Variants in CHD9 observed in about 807,000 individuals in gnomAD.
The protein encoded by CHD9 is ATP-dependent chromatin remodeler CHD9.
Under a neutral mutation model 316.1 loss-of-function variants are expected in CHD9, and 77 were observed. The ratio of observed to expected loss-of-function variants is 0.24; its 90% confidence interval spans 0.20 to 0.29. The LOEUF (loss-of-function observed/expected upper bound fraction) is 0.29, where lower values mean the gene tolerates loss of function less well. Ranked by LOEUF, CHD9 falls within the 10% of genes least tolerant of loss-of-function variation. The probability of loss-of-function intolerance (pLI) is 1.00; values close to 1 mark genes in which losing one functional copy is unlikely to be tolerated. For synonymous variants in CHD9, 1,129 were observed against 1,158.3 expected (o/e 0.97, Z 0.51); for missense variants, 2,763 against 3,438.1 (o/e 0.80, Z 4.91).
chr16:53,125,218 A>ATTTTTT (rs34096444), intron 1 of CHD9, among the ~76,000 whole-genome samples: 81 of 95,738 alleles, frequency 8.5e-4, no homozygotes, highest in Admixed American at 1.4e-3. Context: ...TCAAGTTAGG[A>ATTTTTT]TTTTTTTTTT....
chr16:53,090,489 C>T (rs998907240), intron 1 of CHD9, among the ~76,000 whole-genome samples: 1 of 152,148 alleles, frequency 6.6e-6, no homozygotes, highest in East Asian at 1.9e-4. Context: ...GCACATCAGT[C>T]GAGATCTCTT....
At chr16:53,157,736 C>T (rs1276026805) in intron 2 of CHD9, among the ~76,000 whole-genome samples, 195 bp downstream of exon 2, 1 of 152,096 alleles carries the variant, frequency 6.6e-6, no homozygotes, top group Non-Finnish European at 1.5e-5. Context: ...ATGCTCAAAG[C>T]AATAGATTAG....
intron 1 of CHD9, among the ~76,000 whole-genome samples, chr16:53,154,534 C>T (rs545628021): frequency 5.4e-4 from 82 of 152,182 alleles, no homozygotes; most frequent in African/African-American, 1.8e-3. Context: ...GGACCGGTTT[C>T]GTGGATGGGG....
intron 1 of CHD9, among the ~76,000 whole-genome samples, chr16:53,126,379 T>C (rs1236670444): frequency 1.3e-5 from 2 of 152,248 alleles, no homozygotes; most frequent in Non-Finnish European, 2.9e-5. Flanking sequence ...TAAGAGTTTA[T>C]TTCTGGATTC....
intron 2 of CHD9, among the ~76,000 whole-genome samples, chr16:53,161,086 A>G (rs1412446528): frequency 1.3e-5 from 2 of 151,924 alleles, no homozygotes; most frequent in African/African-American, 4.9e-5. Flanking sequence ...CCCTGTCTCA[A>G]AAAAAGGAAA....
chr16:53,226,304 T>G, intron 4 of CHD9, 62 bp from the exon 5 acceptor site: 1 of 1,235,510 alleles, frequency 8.1e-7, no homozygotes, highest in Non-Finnish European at 1.1e-6. Context: ...TAGGGGTAAT[T>G]ATTTTCAAAA....
At chr16:53,242,762 T>C in intron 12 of CHD9, 78 bp from the exon 13 acceptor site, 1 of 1,267,124 alleles carries the variant, frequency 7.9e-7, no homozygotes, top group Non-Finnish European at 1.1e-6. Context: ...TAACAGATGT[T>C]ATCTGATGCC....
At chr16:53,106,160 G>A (rs1250317036) in intron 1 of CHD9, among the ~76,000 whole-genome samples, 3 of 152,098 alleles carry the variant, frequency 2.0e-5, no homozygotes, top group Non-Finnish European at 4.4e-5. Flanking sequence ...TGCTAAAGTG[G>A]CCTGTTTCTC....
At chr16:53,099,507 G>C (rs959911500) in intron 1 of CHD9, among the ~76,000 whole-genome samples, 3 of 151,902 alleles carry the variant, frequency 2.0e-5, no homozygotes, top group Non-Finnish European at 4.4e-5. Flanking sequence ...CGAGGGGGAC[G>C]GCCCGCTCTG....
chr16:53,068,992 C>CTTTTA (rs375220700), intron 1 of CHD9, among the ~76,000 whole-genome samples: 2,260 of 151,944 alleles, frequency 0.015, 30 homozygotes, highest in Non-Finnish European at 0.024. Flanking sequence ...GCATTTTCTT[C>CTTTTA]TTTTATTTTA....
At position 53,273,793 on chromosome 16, in the gene CHD9, T is replaced by C; in HGVS notation, c.4877+8T>C. ...AAAACACCACTGTAATAAGTAGGTA[T>C]AGGGTATTTTAAACACAACTCTTTA... On this transcript the variant is annotated splice_region_variant and intron_variant, in intron 23 of 38. Transcript: ENST00000447540. 1 of 1,591,358 alleles carries C rather than the reference T, an allele frequency of 6.3e-7. No individual in the cohort carries two copies. The highest frequency in any genetic ancestry group is 2.2e-5 in the East Asian group (1 of 44,684).
intron 1 of CHD9, among the ~76,000 whole-genome samples, chr16:53,138,842 C>G (rs1264900850): frequency 1.3e-5 from 2 of 152,114 alleles, no homozygotes; most frequent in African/African-American, 4.8e-5. Flanking sequence ...GGCAACAGAT[C>G]ACTTATTTTC....
chr16:53,133,869 G>C (rs1202675229), intron 1 of CHD9, among the ~76,000 whole-genome samples: 1 of 152,148 alleles, frequency 6.6e-6, no homozygotes, highest in Non-Finnish European at 1.5e-5. Context: ...CTGGAAACAG[G>C]ATAGAGCTGA....
chr16:53,115,724 C>G (rs1196527092), intron 1 of CHD9, among the ~76,000 whole-genome samples: 1 of 152,192 alleles, frequency 6.6e-6, no homozygotes, highest in Non-Finnish European at 1.5e-5. Flanking sequence ...TTTCGAGGAA[C>G]AAGACAGAAC....
intron 33 of CHD9, among the ~76,000 whole-genome samples, chr16:53,308,475 A>G (rs1423820781): frequency 2.6e-5 from 4 of 152,114 alleles, no homozygotes; most frequent in East Asian, 3.8e-4. Flanking sequence ...GAGTACTTGT[A>G]TTTTTTTCAT....
chr16:53,157,085 G>T lies in CHD9; in HGVS notation c.996G>T (p.Leu332Phe). ...TQHILNPNTS[L>F]NSNNFQILHS... The stretch of plus-strand genomic sequence containing the variant: ...ATATCCTAAACCCCAATACATCATT[G>T]AATTCAAATAATTTCCAAATATTGC... Residue 332 changes from leucine (L) to phenylalanine (F), a missense_variant, in exon 2 of 39, where the codon TTG becomes TTT. Physicochemically the swap from Leu to Phe is conservative, Grantham distance 22. Around this residue, in one of 15 missense-constraint regions of CHD9, gnomAD observed 859 missense variants for 890.4 expected, o/e 0.96. Coordinates refer to ENST00000447540, the MANE Select transcript of CHD9 (RefSeq NM_001308319.2). The T allele has an allele frequency of 6.2e-7, 1 of 1,612,698 alleles. No individual in the cohort carries two copies. The highest frequency in any genetic ancestry group is 8.5e-7 in the Non-Finnish European group (1 of 1,179,318).
chr16:53,296,477 G>A (rs1005859473), intron 29 of CHD9, among the ~76,000 whole-genome samples: 1 of 114,368 alleles, frequency 8.7e-6, no homozygotes, highest in African/African-American at 3.5e-5. Context: ...GTCTCGCTCT[G>A]TCGCCCAGGC....
rs2057582914 is a variant in CHD9 at position 53,327,480 on chromosome 16, A to G, written c.*2585A>G. ...TGGAAGTTTAATTATTTTTTATTAA[A>G]CATATTCTTTGACTACCCATGATGT... On this transcript the variant is annotated 3_prime_UTR_variant, in exon 39 of 39. Transcript: ENST00000447540. 6.6e-6 allele frequency: 1 copy of G among 152,582 alleles called. No individual in the cohort carries two copies. Among genetic ancestry groups the G allele is most frequent in the Non-Finnish European group, 1.5e-5 (1 of 67,998 alleles). The allele number at this position is 152,582 out of a possible 1,614,324, so 9.5% of individuals were successfully genotyped here. A position where few individuals can be genotyped will look rare whatever the true frequency, so the allele number is the denominator to read the frequency against.
rs549911685 is a variant in CHD9 at position 53,072,050 on chromosome 16, A to T, written c.-165+16973A>T. 8.5e-5 allele frequency among the ~76,000 whole-genome samples: 13 copies of T among 152,232 alleles called. No homozygotes were observed. In the East Asian group the frequency reaches 2.5e-3, roughly 29 times the overall value. ...CACATGCATGCACACCCACCTCTGTATCCAAATGTCTGCAGAATTCATAGG... is the reference window on the plus strand; with the variant it reads ...CACATGCATGCACACCCACCTCTGTTTCCAAATGTCTGCAGAATTCATAGG... On this transcript the variant is annotated intron_variant, in intron 1 of 38. Transcript: ENST00000447540.
Sources: allele counts gnomAD v4.1 joint callset (sites outside exome capture counted in the v4.1 genomes callset), GRCh38; gene constraint gnomAD v4.1.1; regional missense constraint gnomAD v4.1.1; transcripts MANE v1.5; gene names NCBI Gene and HGNC (gene_info 2026-07-23, HGNC 2026-07-21).